The following ENTREP2 variants were observed in gnomAD, a reference collection of about 807,000 sequenced individuals.
The protein encoded by ENTREP2 is endosomal transmembrane epsin interactor 2.
At chr15:29,317,357 T>G in the ENTREP2 span, among the ~76,000 whole-genome samples, 2 of 152,232 alleles carry the variant, frequency 1.3e-5, no homozygotes, top group African/African-American at 4.8e-5. Context: ...GTAATCAGAT[T>G]AGGTCAATTA....
the ENTREP2 span, among the ~76,000 whole-genome samples, chr15:29,177,301 C>T: frequency 6.6e-6 from 1 of 152,108 alleles, no homozygotes; most frequent in Admixed American, 6.5e-5. Context: ...TCCTCATCCA[C>T]GGGAAGGACA....
chr15:29,384,128 C>T, the ENTREP2 span, among the ~76,000 whole-genome samples: 1 of 152,176 alleles, frequency 6.6e-6, no homozygotes, highest in Non-Finnish European at 1.5e-5. Context: ...GTTCCCATGT[C>T]ATTTCACAGT....
chr15:29,384,670 C>T, the ENTREP2 span, among the ~76,000 whole-genome samples: 1 of 152,150 alleles, frequency 6.6e-6, no homozygotes, highest in African/African-American at 2.4e-5. Context: ...GACTCACCTA[C>T]AAGCCACAGA....
chr15:29,598,717 G>A, the ENTREP2 span, among the ~76,000 whole-genome samples: 1 of 141,528 alleles, frequency 7.1e-6, no homozygotes, highest in Non-Finnish European at 1.6e-5. Context: ...CTTTTTTTGA[G>A]ACGGAGTCTC....
At chr15:29,383,674 C>A in the ENTREP2 span, among the ~76,000 whole-genome samples, 1 of 152,170 alleles carries the variant, frequency 6.6e-6, no homozygotes, top group Non-Finnish European at 1.5e-5. Flanking sequence ...CTGCAGTTCA[C>A]CCTCAACCAC....
the ENTREP2 span, among the ~76,000 whole-genome samples, chr15:29,600,088 G>A: frequency 6.6e-6 from 1 of 152,316 alleles, no homozygotes; most frequent in Non-Finnish European, 1.5e-5. Flanking sequence ...GCCTCTATAC[G>A]GCTGGTGACA....
chr15:29,200,825 G>A, the ENTREP2 span, among the ~76,000 whole-genome samples: 1 of 152,086 alleles, frequency 6.6e-6, no homozygotes, highest in East Asian at 1.9e-4. Context: ...GCCTCCTGAA[G>A]TGCTGGGATT....
chr15:29,590,683 C>CAAAAA, the ENTREP2 span, among the ~76,000 whole-genome samples: 17 of 75,246 alleles, frequency 2.3e-4, no homozygotes, highest in South Asian at 6.8e-4. Flanking sequence ...GACTCCGTCT[C>CAAAAA]AAAAAAAAAA....
At chr15:29,207,098 C>G in the ENTREP2 span, among the ~76,000 whole-genome samples, 1 of 152,160 alleles carries the variant, frequency 6.6e-6, no homozygotes, top group African/African-American at 2.4e-5. Context: ...CCAGCCCCTC[C>G]AGCTCTTCCT....
the ENTREP2 span, among the ~76,000 whole-genome samples, chr15:29,503,992 C>T: frequency 6.6e-6 from 1 of 152,170 alleles, no homozygotes; most frequent in South Asian, 2.1e-4. Context: ...GATACCTTTT[C>T]ACAACCATCA....
At chr15:29,420,001 A>C in the ENTREP2 span, among the ~76,000 whole-genome samples, 2 of 152,220 alleles carry the variant, frequency 1.3e-5, no homozygotes, top group African/African-American at 4.8e-5. Context: ...GACTGCGACC[A>C]AACTTTGGAA....
chr15:29,480,513 G>A, the ENTREP2 span, among the ~76,000 whole-genome samples: 1 of 151,980 alleles, frequency 6.6e-6, no homozygotes, highest in African/African-American at 2.4e-5. Flanking sequence ...AGGCTCACTG[G>A]AGCACGGTCA....
the ENTREP2 span, among the ~76,000 whole-genome samples, chr15:29,596,069 A>G: frequency 0.48 from 72,925 of 151,966 alleles, 17,934 homozygotes; most frequent in Non-Finnish European, 0.54. Flanking sequence ...AGGTATGCTC[A>G]TTGCTACTGG....
the ENTREP2 span, among the ~76,000 whole-genome samples, chr15:29,314,209 T>C: frequency 6.6e-5 from 10 of 152,216 alleles, no homozygotes; most frequent in Admixed American, 5.9e-4. Flanking sequence ...GAATATGATA[T>C]AAACTTAGTT....
chr15:29,493,869 C>T, the ENTREP2 span, among the ~76,000 whole-genome samples: 6 of 151,790 alleles, frequency 4.0e-5, no homozygotes, highest in East Asian at 1.9e-4. Flanking sequence ...CCCAGGTACT[C>T]GGGAGGCTGA....
At chr15:29,551,619 T>C in the ENTREP2 span, among the ~76,000 whole-genome samples, 3 of 152,122 alleles carry the variant, frequency 2.0e-5, no homozygotes, top group Admixed American at 6.6e-5. Flanking sequence ...AATGGTTCTT[T>C]TCTATTAAAA....
chr15:29,638,159 A>G, the ENTREP2 span, among the ~76,000 whole-genome samples: 1 of 152,222 alleles, frequency 6.6e-6, no homozygotes, highest in Non-Finnish European at 1.5e-5. Flanking sequence ...TGGCCTTGTC[A>G]GTTTCTATGG....
the ENTREP2 span, among the ~76,000 whole-genome samples, chr15:29,423,480 G>A: frequency 6.6e-6 from 1 of 152,040 alleles, no homozygotes; most frequent in Non-Finnish European, 1.5e-5. Context: ...TTCATACCTA[G>A]ATTTTTTGGT....
chr15:29,280,752 C>T, the ENTREP2 span, among the ~76,000 whole-genome samples: 1 of 152,182 alleles, frequency 6.6e-6, no homozygotes, highest in Non-Finnish European at 1.5e-5. Flanking sequence ...CATGGGAAGG[C>T]GTTTCCTCAA....
Sources: allele counts gnomAD v4.1 joint callset (sites outside exome capture counted in the v4.1 genomes callset), GRCh38; gene constraint gnomAD v4.1.1; transcripts MANE v1.5; gene names NCBI Gene and HGNC (gene_info 2026-07-23, HGNC 2026-07-21).